Variants in ADAMTS18 observed in about 807,000 individuals in gnomAD.
The protein encoded by ADAMTS18 is ADAM metallopeptidase with thrombospondin type 1 motif 18.
A neutral mutation model predicts 165.9 loss-of-function variants in ADAMTS18; 157 were observed. The ratio of observed to expected loss-of-function variants is 0.95; its 90% CI spans 0.83 to 1.08. The LOEUF is 1.08. Ranked by LOEUF, ADAMTS18 falls within the 50% of genes least tolerant of loss-of-function variation. The pLI is 0.00. For missense variants in ADAMTS18, 2,040 were observed against 1,534.0 expected, an observed-to-expected ratio of 1.33 and a Z score of -5.51; for synonymous variants, 782 against 578.2, an observed-to-expected ratio of 1.35 and a Z score of -5.06.
chr16:77,421,280 T>C (rs779986864), intron 3 of ADAMTS18, among the ~76,000 whole-genome samples: 3 of 152,186 alleles, frequency 2.0e-5, no homozygotes, highest in African/African-American at 4.8e-5. Flanking sequence ...ACTTGCATTA[T>C]GGTATTTGAG....
chr16:77,430,892 G>T lies in ADAMTS18; in HGVS notation c.495+403C>A, dbSNP rs61741770. ...CAAAGTGAAGGTTGATCTTACCAGT[G>T]CTGCTGAATGCAATTTCGCATTGAA... On this transcript the variant is annotated intron_variant, in intron 3 of 22. Transcript: ENST00000282849. Among the ~76,000 whole-genome samples, 256 of 152,284 alleles carry T rather than the reference G, an allele frequency of 1.7e-3. 2 individuals are homozygous for T. The highest frequency in any genetic ancestry group is 5.5e-3 in the African/African-American group (229 of 41,560).
At position 77,319,875 on chromosome 16, in the gene ADAMTS18, G is replaced by A; in HGVS notation, c.2506C>T (p.Pro836Ser). The A allele has an allele frequency of 6.2e-7, 1 of 1,614,192 alleles. No homozygotes were observed. The highest frequency in any genetic ancestry group is 8.5e-7 in the Non-Finnish European group (1 of 1,180,026). ...TCAAAGACCAGCGTCTCATTTGTGG[G>A]CCCTGGCGCGTACAGACGTTCCGGG... ...NRPERLYAPGPTNETLVFEIL... is the reference protein window; with the variant it reads ...NRPERLYAPGSTNETLVFEIL... Residue 836 changes from proline to serine, a missense_variant, in exon 16 of 23, where the codon CCC becomes TCC. Coordinates refer to ENST00000282849, the MANE Select transcript of ADAMTS18 (RefSeq NM_199355.4).
chr16:77,365,209 A>G (rs2056776395), intron 4 of ADAMTS18, among the ~76,000 whole-genome samples: 1 of 152,210 alleles, frequency 6.6e-6, no homozygotes, highest in African/African-American at 2.4e-5. Context: ...AATTCTAGTT[A>G]GTAGAATGGA....
intron 3 of ADAMTS18, among the ~76,000 whole-genome samples, chr16:77,375,931 T>C (rs1387554358): frequency 1.5e-5 from 2 of 130,774 alleles, no homozygotes; most frequent in African/African-American, 5.7e-5. Flanking sequence ...GAGACGGAGT[T>C]TGGCTCTTGT....
chr16:77,315,466 G>T (rs1375721266), intron 16 of ADAMTS18, among the ~76,000 whole-genome samples: 1 of 152,214 alleles, frequency 6.6e-6, no homozygotes, highest in Non-Finnish European at 1.5e-5. Flanking sequence ...CATCCCTGTT[G>T]CCATGAATGA....
At chr16:77,286,795 C>T (rs992639926) in intron 22 of ADAMTS18, among the ~76,000 whole-genome samples, 2 of 152,124 alleles carry the variant, frequency 1.3e-5, no homozygotes, top group African/African-American at 4.8e-5. Flanking sequence ...CGTAAACACC[C>T]AGTTTCAATG....
chr16:77,333,074 A>T (rs975677442), intron 12 of ADAMTS18, among the ~76,000 whole-genome samples: 3 of 152,204 alleles, frequency 2.0e-5, no homozygotes, highest in Non-Finnish European at 4.4e-5. Flanking sequence ...GTATTTAATT[A>T]TATGACTGTA....
At chr16:77,309,518 T>C (rs570608212) in intron 16 of ADAMTS18, among the ~76,000 whole-genome samples, 4 of 152,200 alleles carry the variant, frequency 2.6e-5, no homozygotes, top group Admixed American at 6.5e-5. Context: ...ATGTCTGTAA[T>C]ACAGACTGCA....
chr16:77,299,062 A>G (rs1363125407), intron 17 of ADAMTS18, among the ~76,000 whole-genome samples: 4 of 152,228 alleles, frequency 2.6e-5, no homozygotes, highest in Admixed American at 6.5e-5. Flanking sequence ...GGAATACCAG[A>G]AAGCTATTGG....
intron 12 of ADAMTS18, among the ~76,000 whole-genome samples, chr16:77,333,018 C>T (rs2056215355): frequency 6.6e-6 from 1 of 152,158 alleles, no homozygotes; most frequent in Non-Finnish European, 1.5e-5. Context: ...TTGAGAGACA[C>T]TCACAAGGTT....
At chr16:77,382,915 G>C (rs538000080) in intron 3 of ADAMTS18, among the ~76,000 whole-genome samples, 23 of 152,206 alleles carry the variant, frequency 1.5e-4, no homozygotes, top group African/African-American at 5.3e-4. Context: ...TGAATGTCTG[G>C]GAGGAGAAGA....
At chr16:77,400,206 G>C (rs1031549786) in intron 3 of ADAMTS18, among the ~76,000 whole-genome samples, 1 of 152,156 alleles carries the variant, frequency 6.6e-6, no homozygotes, top group Non-Finnish European at 1.5e-5. Context: ...TCCAGCTGCA[G>C]TAGACAGTTC....
In ADAMTS18 at chr16:77,282,239, C is replaced by G. The variant is rs1445373051; in HGVS notation, c.*1717G>C. ...CATGGTTTTATTCAACATTTTATCT[C>G]AAAATATTACTTAGAGAAGCAAGTG... is the stretch of plus-strand genomic sequence containing the variant. On this transcript the variant is annotated 3_prime_UTR_variant, in exon 23 of 23. Transcript: ENST00000282849. The G allele has an allele frequency of 6.6e-6, 1 of 151,912 alleles. No individual in the cohort carries two copies. Among genetic ancestry groups the G allele is most frequent in the African/African-American group, 2.4e-5 (1 of 41,366 alleles). 9.4% of individuals were successfully genotyped at this position (151,912 alleles called of 1,614,324 possible). A position where few individuals can be genotyped will look rare whatever the true frequency, so the allele number is the denominator to read the frequency against.
intron 3 of ADAMTS18, among the ~76,000 whole-genome samples, chr16:77,415,334 G>A (rs1310378184): frequency 6.6e-6 from 1 of 152,152 alleles, no homozygotes; most frequent in Non-Finnish European, 1.5e-5. Context: ...TGTCAGAAAT[G>A]AAAGTTAAAC....
Position 77,431,479 on chromosome 16 carries a change from A to C in ADAMTS18, c.311T>G (p.Phe104Cys). 6.2e-7 allele frequency: 1 copy of C among 1,614,218 alleles called. No individual in the cohort carries two copies. The highest frequency in any genetic ancestry group is 8.5e-7 in the Non-Finnish European group (1 of 1,180,046). The change falls in exon 3 of 23, where the codon TTT becomes TGT. Residue 104 changes from phenylalanine (F) to cysteine (C), a missense_variant. By Grantham distance (205) the Phe-to-Cys change is radical. Coordinates refer to ENST00000282849, the MANE Select transcript of ADAMTS18 (RefSeq NM_199355.4). The stretch of plus-strand genomic sequence containing the variant: ...AAGTTCTAAGTGCAGTTCCTGTCCA[A>C]ATGCTGAAAATCGGTAGTGCAGGGA... ...RSSLHYRFSA[F>C]GQELHLELKP...
intron 16 of ADAMTS18, among the ~76,000 whole-genome samples, chr16:77,304,034 A>G (rs2055638003): frequency 6.6e-6 from 1 of 152,094 alleles, no homozygotes; most frequent in Admixed American, 6.5e-5. Context: ...CATCTCAAAA[A>G]ATCAAGTGCT....
intron 2 of ADAMTS18, among the ~76,000 whole-genome samples, chr16:77,433,733 G>A (rs941673473): frequency 6.6e-6 from 1 of 152,186 alleles, no homozygotes; most frequent in Admixed American, 6.5e-5. Flanking sequence ...CCTTGCGTCA[G>A]GAATCAGCTG....
Position 77,318,548 on chromosome 16 carries a change from C to T in ADAMTS18, c.2532+1301G>A, listed in dbSNP as rs573148775. Among the ~76,000 whole-genome samples, 24 of 152,232 alleles carry T rather than the reference C, an allele frequency of 1.6e-4. 1 individual carries two copies. The East Asian group carries it at 4.1e-3, about 26-fold the overall frequency. ...GCATTCAGGAAATGAATGCATGAAA[C>T]TGATCACAGAATGCCTGAACCTACT... On this transcript the variant is annotated intron_variant, in intron 16 of 22. Transcript: ENST00000282849.
intron 12 of ADAMTS18, among the ~76,000 whole-genome samples, chr16:77,332,494 C>T (rs2056205672): frequency 6.6e-6 from 1 of 152,152 alleles, no homozygotes; most frequent in African/African-American, 2.4e-5. Context: ...CCTCCTCCAA[C>T]CTTCCAAGGT....
Sources: allele counts gnomAD v4.1 joint callset (sites outside exome capture counted in the v4.1 genomes callset), GRCh38; gene constraint gnomAD v4.1.1; transcripts MANE v1.5; gene names NCBI Gene and HGNC (gene_info 2026-07-23, HGNC 2026-07-21).